SYT16: variants seen among roughly 807,000 people sequenced by gnomAD.
SYT16 encodes synaptotagmin-16.
SYT16 carries 42 observed loss-of-function variants against 61.4 expected under a neutral mutation model. The ratio of observed to expected loss-of-function variants is 0.68; its 90% CI spans 0.53 to 0.89. SYT16 has a LOEUF of 0.89. Among genes scored for constraint, SYT16 ranks in the 40% least tolerant of loss-of-function variants. The pLI, the probability that SYT16 is intolerant of heterozygous loss-of-function variation, is 0.00. For missense variants in SYT16, 804 were observed against 807.3 expected (o/e 1.00, Z 0.05); for synonymous variants, 314 against 302.3 (o/e 1.04, Z -0.40).
chr14:62,049,353 T>A (rs1334754523), intron 3 of SYT16, among the ~76,000 whole-genome samples: 1 of 152,192 alleles, frequency 6.6e-6, no homozygotes, highest in Admixed American at 6.5e-5. Context: ...ATCCCTTTAT[T>A]TTGAGCATAT....
intron 1 of SYT16, among the ~76,000 whole-genome samples, chr14:61,857,581 G>A (rs2046814900): frequency 6.6e-6 from 1 of 152,158 alleles, no homozygotes; most frequent in Admixed American, 6.5e-5. Context: ...GCTGGAAAGA[G>A]CATATAGACA....
chr14:61,914,920 G>T (rs564564651), intron 1 of SYT16, among the ~76,000 whole-genome samples: 1 of 152,186 alleles, frequency 6.6e-6, no homozygotes, highest in African/African-American at 2.4e-5. Context: ...ATTATGTCTA[G>T]AATCAGATCC....
At position 62,100,681 on chromosome 14, in the gene SYT16, A is replaced by C. The variant is rs1279897405; in HGVS notation, c.1912A>C (p.Arg638=). The change falls in exon 8 of 8, where the codon AGA becomes CGA. Residue 638 remains arginine, a synonymous_variant. Coordinates refer to ENST00000683842, the MANE Select transcript of SYT16 (RefSeq NM_001367656.1). ...MKETKGQQIC[R]WHTLLES The stretch of plus-strand genomic sequence containing the variant: ...GGAAACCAAAGGCCAGCAGATCTGC[A>C]GATGGCACACTTTGCTGGAATCCTA... The C allele has an allele frequency of 6.2e-7, 1 of 1,613,636 alleles. No individual in the cohort carries two copies. Among genetic ancestry groups the C allele is most frequent in the Non-Finnish European group, 8.5e-7 (1 of 1,179,686 alleles).
intron 1 of SYT16, among the ~76,000 whole-genome samples, chr14:61,917,672 C>G (rs1271755933): frequency 6.6e-6 from 1 of 151,910 alleles, no homozygotes; most frequent in African/African-American, 2.4e-5. Flanking sequence ...CTTAAAGGTA[C>G]TTGAGTTGGA....
At chr14:61,828,277 T>G (rs911303474) in intron 1 of SYT16, among the ~76,000 whole-genome samples, 5 of 152,144 alleles carry the variant, frequency 3.3e-5, no homozygotes, top group African/African-American at 1.2e-4. Flanking sequence ...ATACACATAC[T>G]TTTTGCCTTC....
chr14:62,035,033 T>C (rs1261946287), intron 3 of SYT16, among the ~76,000 whole-genome samples: 5 of 152,212 alleles, frequency 3.3e-5, no homozygotes, highest in Non-Finnish European at 7.3e-5. Flanking sequence ...ACAGACAGTA[T>C]TGTCTTTGAA....
At chr14:61,945,812 C>T (rs575937599) in intron 1 of SYT16, among the ~76,000 whole-genome samples, 17 of 132,228 alleles carry the variant, frequency 1.3e-4, no homozygotes, top group East Asian at 2.5e-4. Flanking sequence ...GCCGAGATCA[C>T]GCCACTGCAC....
chr14:61,911,891 A>G (rs2048948553), intron 1 of SYT16, among the ~76,000 whole-genome samples: 1 of 152,222 alleles, frequency 6.6e-6, no homozygotes, highest in Non-Finnish European at 1.5e-5. Flanking sequence ...GGTTTGCATG[A>G]GGAATATTAT....
intron 1 of SYT16, among the ~76,000 whole-genome samples, chr14:61,882,353 A>G (rs141935202): frequency 6.6e-6 from 1 of 152,354 alleles, no homozygotes; most frequent in African/African-American, 2.4e-5. Flanking sequence ...ACTGCTATGA[A>G]GAAATACCCA....
At chr14:62,089,811 A>G (rs2057010533) in intron 7 of SYT16, among the ~76,000 whole-genome samples, 3 of 152,250 alleles carry the variant, frequency 2.0e-5, no homozygotes, top group Admixed American at 6.5e-5. Flanking sequence ...CTAATGGTCC[A>G]GATGAAAAAG....
rs547698640 is a variant in SYT16 at position 61,829,548 on chromosome 14, A to AT, written c.-325+16747dup. On this transcript the variant is annotated intron_variant, in intron 1 of 7. Coordinates refer to ENST00000683842, the MANE Select transcript of SYT16 (RefSeq NM_001367656.1). Reference sequence around the variant, plus strand: ...GAGATTCTGATAACACAAATATTAGATTTTTTTTTGGTTATTGTCCCACAG... The same window carrying AT: ...GAGATTCTGATAACACAAATATTAGATTTTTTTTTTGGTTATTGTCCCACAG... Among the ~76,000 whole-genome samples the AT allele has an allele frequency of 5.3e-3, 808 of 151,124 alleles. 14 individuals carry two copies. Among genetic ancestry groups the AT allele is most frequent in the Non-Finnish European group, 4.2e-3 (284 of 67,750 alleles).
In SYT16 at chr14:61,996,152, C is replaced by A. The variant is rs1433853651; in HGVS notation, c.133C>A (p.Gln45Lys). 1 of 1,613,354 alleles carries A rather than the reference C, an allele frequency of 6.2e-7. No individual in the cohort carries two copies. Residue 45 changes from glutamine to lysine, a missense_variant, in exon 3 of 8, where the codon CAA (glutamine) becomes AAA (lysine). Physicochemically the swap from Gln to Lys is moderately conservative, Grantham distance 53. Transcript: ENST00000683842. ...TGCTTCGCTGGTTAACATAAGCAAA[C>A]AAGACTCTAAATTGAGTGACAAACT... ...LSASLVNISK[Q>K]DSKLSDKLDQ...
At chr14:62,093,280 A>G (rs1481612765) in intron 7 of SYT16, among the ~76,000 whole-genome samples, 2 of 152,142 alleles carry the variant, frequency 1.3e-5, no homozygotes, top group African/African-American at 4.8e-5. Context: ...AAGCAAATGT[A>G]ACCAATTCAA....
Position 61,952,728 on chromosome 14 carries a change from T to C in SYT16, c.-324-17404T>C, listed in dbSNP as rs540093835. Among the ~76,000 whole-genome samples the C allele has an allele frequency of 3.3e-5, 5 of 152,336 alleles. No homozygotes were observed. The South Asian group carries it at 1.0e-3, about 32-fold the overall frequency. ...TGACTCCATATGTTGCTATGTTTTA[T>C]TTTGGAACATGTTAAAATCTCACTT... On this transcript the variant is annotated intron_variant, in intron 1 of 7. Transcript: ENST00000683842.
At chr14:61,928,968 G>A (rs1236963631) in intron 1 of SYT16, among the ~76,000 whole-genome samples, 1 of 152,200 alleles carries the variant, frequency 6.6e-6, no homozygotes, top group Non-Finnish European at 1.5e-5. Flanking sequence ...GTGTGCAGGG[G>A]AAAATTCACT....
intron 6 of SYT16, among the ~76,000 whole-genome samples, chr14:62,082,950 A>G (rs964868151): frequency 1.3e-5 from 2 of 152,214 alleles, no homozygotes; most frequent in South Asian, 2.1e-4. Flanking sequence ...TCAGAATTTG[A>G]TGGGAGAGGC....
chr14:62,025,145 A>G (rs965391624), intron 3 of SYT16, among the ~76,000 whole-genome samples: 1 of 152,128 alleles, frequency 6.6e-6, no homozygotes, highest in African/African-American at 2.4e-5. Flanking sequence ...TTGGACAAAT[A>G]CACAATTGTT....
chr14:61,975,534 A>G (rs2051752388), intron 2 of SYT16, among the ~76,000 whole-genome samples: 1 of 152,204 alleles, frequency 6.6e-6, no homozygotes, highest in East Asian at 1.9e-4. Context: ...CTTCTTCACA[A>G]GGCAGCTGGA....
intron 1 of SYT16, among the ~76,000 whole-genome samples, chr14:61,924,350 A>G (rs1011639564): frequency 6.6e-5 from 10 of 152,224 alleles, no homozygotes; most frequent in Non-Finnish European, 1.3e-4. Flanking sequence ...TAGGATATGT[A>G]AGGTTTAGAG....
Sources: gnomAD v4.1 joint callset for allele counts (sites outside exome capture counted in the v4.1 genomes callset) on GRCh38, gnomAD v4.1.1 for gene constraint, MANE v1.5 for transcripts, NCBI Gene and HGNC (gene_info 2026-07-23, HGNC 2026-07-21) for gene names.